The following CELF4 variants were observed in gnomAD, a reference collection of about 807,000 sequenced individuals.
CELF4 encodes the protein CUGBP Elav-like family member 4, also known as CUG-BP- and ETR-3-like factor 4.
A neutral mutation model predicts 59.9 loss-of-function variants in CELF4; 18 were observed. The ratio of observed to expected loss-of-function variants is 0.30; its 90% CI spans 0.21 to 0.45. CELF4 has a LOEUF of 0.45. Among genes scored for constraint, CELF4 ranks in the 20% least tolerant of loss-of-function variants. The pLI, the probability that CELF4 is intolerant of heterozygous loss-of-function variation, is 1.00. For synonymous variants in CELF4, 261 were observed against 267.1 expected, an observed-to-expected ratio of 0.98 and a Z score of 0.22; for missense variants, 456 against 689.0, an observed-to-expected ratio of 0.66 and a Z score of 3.79.
At chr18:37,542,534 C>T (rs769143052) in intron 1 of CELF4, among the ~76,000 whole-genome samples, 11 of 152,186 alleles carry the variant, frequency 7.2e-5, no homozygotes, top group Admixed American at 3.3e-4. Flanking sequence ...TTACTTGCTC[C>T]GTGCCCTGGG....
At chr18:37,415,996 G>T (rs55915633) in intron 2 of CELF4, among the ~76,000 whole-genome samples, 1 of 152,244 alleles carries the variant, frequency 6.6e-6, no homozygotes, top group African/African-American at 2.4e-5. Context: ...GGAAGGGTCA[G>T]ATTTAACCTT....
intron 7 of CELF4, among the ~76,000 whole-genome samples, chr18:37,272,609 G>T (rs1373566869): frequency 6.7e-6 from 1 of 149,056 alleles, no homozygotes; most frequent in Non-Finnish European, 1.5e-5. Context: ...ACACCCAAAT[G>T]GGTTCCTTCT....
intron 2 of CELF4, among the ~76,000 whole-genome samples, chr18:37,347,099 G>A (rs944344473): frequency 6.6e-6 from 1 of 152,110 alleles, no homozygotes; most frequent in Non-Finnish European, 1.5e-5. Flanking sequence ...GAGGGTGTTG[G>A]AGGAGAAAGG....
intron 1 of CELF4, among the ~76,000 whole-genome samples, chr18:37,533,747 T>G (rs891951654): frequency 6.6e-6 from 1 of 152,200 alleles, no homozygotes; most frequent in Non-Finnish European, 1.5e-5. Flanking sequence ...TCATCAGAGC[T>G]CCTGCATGTC....
At chr18:37,455,305 T>G (rs1310117017) in intron 2 of CELF4, among the ~76,000 whole-genome samples, 1 of 152,234 alleles carries the variant, frequency 6.6e-6, no homozygotes, top group Non-Finnish European at 1.5e-5. Flanking sequence ...GTTAATTCTT[T>G]CTTCCTTTGT....
At position 37,275,257 on chromosome 18, in the gene CELF4, A is replaced by G. The variant is rs755827555; in HGVS notation, c.449-14T>C. On this transcript the variant is annotated splice_polypyrimidine_tract_variant and intron_variant, in intron 3 of 12. Transcript: ENST00000420428. ...GTTTTCTATCTTCTAGAACAAAATT[A>G]GGAGATGCTTACCCGGGCCAGGGAC... is the stretch of plus-strand genomic sequence containing the variant. 1.9e-6 allele frequency: 3 copies of G among 1,611,830 alleles called. No homozygotes were observed. In the African/African-American group the frequency reaches 4.0e-5, roughly 22 times the overall value.
intron 3 of CELF4, among the ~76,000 whole-genome samples, chr18:37,314,336 T>A (rs952179839): frequency 2.6e-5 from 4 of 152,108 alleles, no homozygotes; most frequent in Non-Finnish European, 2.9e-5. Context: ...GCACCTGTAA[T>A]CCCAGCTACT....
chr18:37,318,917 C>T (rs2096972956), intron 3 of CELF4, among the ~76,000 whole-genome samples: 1 of 152,188 alleles, frequency 6.6e-6, no homozygotes, highest in Admixed American at 6.5e-5. Context: ...CCTTATGGCC[C>T]TCAGAGGCCT....
intron 1 of CELF4, among the ~76,000 whole-genome samples, chr18:37,486,398 C>T (rs1385705588): frequency 2.1e-5 from 3 of 145,280 alleles, no homozygotes; most frequent in African/African-American, 7.4e-5. Flanking sequence ...GGGCCACACC[C>T]CACCTCCTCG....
intron 1 of CELF4, among the ~76,000 whole-genome samples, chr18:37,517,659 C>T (rs1285889516): frequency 6.6e-6 from 1 of 152,206 alleles, no homozygotes; most frequent in Non-Finnish European, 1.5e-5. Flanking sequence ...GTGGCACCCT[C>T]TCCCTGCCTT....
intron 2 of CELF4, among the ~76,000 whole-genome samples, chr18:37,424,000 T>C (rs2099596443): frequency 6.6e-6 from 1 of 152,072 alleles, no homozygotes; most frequent in African/African-American, 2.4e-5. Context: ...CGAGAAGCCT[T>C]CTAGGACTCA....
chr18:37,253,933 C>G lies in CELF4; in HGVS notation c.1339G>C (p.Val447Leu), dbSNP rs754698439. ...GCGCTGGCCGGGTTGTCGAAGCTCA[C>G]GAAGCCTGGCGAGACACGAGGGACG... is the stretch of plus-strand genomic sequence containing the variant. ...LMQMFLPFGFVSFDNPASAQT... is the reference protein window; with the variant it reads ...LMQMFLPFGFLSFDNPASAQT... Residue 447 changes from valine to leucine, a missense_variant, in exon 12 of 13, where the codon GTG (valine) becomes CTG (leucine). Physicochemically the swap from Val to Leu is conservative, Grantham distance 32 (BLOSUM62 1). This residue lies in a region of CELF4 where 256 missense variants were observed against 340.8 expected (regional missense o/e 0.75). Coordinates refer to ENST00000420428, the MANE Select transcript of CELF4 (RefSeq NM_020180.4). This position sits in a 1 kb window ranked among gnomAD's most constrained non-coding sequence, Gnocchi z 4.5. 6.9e-6 allele frequency: 11 copies of G among 1,603,362 alleles called. No individual in the cohort carries two copies. The South Asian group carries it at 1.2e-4, about 18-fold the overall frequency.
At chr18:37,356,615 C>T (rs1313708414) in intron 2 of CELF4, among the ~76,000 whole-genome samples, 1 of 152,138 alleles carries the variant, frequency 6.6e-6, no homozygotes, top group Non-Finnish European at 1.5e-5. Flanking sequence ...TAGGAGGACC[C>T]CAGTGTTTGC....
At chr18:37,468,695 G>T (rs771253563) in intron 2 of CELF4, among the ~76,000 whole-genome samples, 1 of 152,074 alleles carries the variant, frequency 6.6e-6, no homozygotes, top group African/African-American at 2.4e-5. Flanking sequence ...CTGCATGGCT[G>T]GGGAGGCCTC....
rs1349138682 is a variant in CELF4, at chr18:37,331,552, TG to T, written c.370-9672del. ...GTCAGGGTGGAAGGAACCAGGCGTG[TG>T]GGTTGGTGCTGTGTGCCTGGCTGGG... On this transcript the variant is annotated intron_variant, in intron 2 of 12. Coordinates refer to ENST00000420428, the MANE Select transcript of CELF4 (RefSeq NM_020180.4). 3.3e-5 allele frequency among the ~76,000 whole-genome samples: 5 copies of T among 151,806 alleles called. 1 individual carries two copies. In the South Asian group the frequency reaches 1.0e-3, roughly 32 times the overall value.
intron 12 of CELF4, among the ~76,000 whole-genome samples, chr18:37,248,565 T>G (rs1267107414): frequency 1.3e-5 from 2 of 151,982 alleles, no homozygotes; most frequent in Non-Finnish European, 2.9e-5. Flanking sequence ...CCCCATCCTC[T>G]TTTCCCACCC....
At chr18:37,259,729 C>T (rs547341634) in intron 10 of CELF4, among the ~76,000 whole-genome samples, 25 of 152,174 alleles carry the variant, frequency 1.6e-4, no homozygotes, top group Admixed American at 3.3e-4. Flanking sequence ...TTTCCCTTCT[C>T]GCAGGCCAGT....
chr18:37,514,006 G>A (rs1339090580), intron 1 of CELF4, among the ~76,000 whole-genome samples: 1 of 151,542 alleles, frequency 6.6e-6, no homozygotes, highest in Non-Finnish European at 1.5e-5. Flanking sequence ...AGAGGTGTGG[G>A]ATGGTGACTT....
intron 2 of CELF4, among the ~76,000 whole-genome samples, chr18:37,425,807 C>T (rs889887731): frequency 2.0e-5 from 3 of 152,240 alleles, no homozygotes; most frequent in Non-Finnish European, 4.4e-5. Flanking sequence ...CATCTGAAGA[C>T]ACCTTGGAAG....
Sources: allele counts gnomAD v4.1 joint callset (sites outside exome capture counted in the v4.1 genomes callset), GRCh38; gene constraint gnomAD v4.1.1; regional missense constraint gnomAD v4.1.1; non-coding constraint Gnocchi (gnomAD v3.1); transcripts MANE v1.5; gene names NCBI Gene and HGNC (gene_info 2026-07-23, HGNC 2026-07-21).